SFSWAP: variants seen among roughly 807,000 people sequenced by gnomAD.
SFSWAP encodes the protein splicing factor, suppressor of white-apricot homolog.
In SFSWAP, 17 loss-of-function variants were observed where a neutral mutation model predicts 100.7. The observed-to-expected ratio is 0.17, with a 90% CI of 0.12 to 0.25. SFSWAP has a LOEUF of 0.25. Among genes scored for constraint, SFSWAP ranks in the 10% least tolerant of loss-of-function variants. The pLI, the probability that SFSWAP is intolerant of heterozygous loss-of-function variation, is 1.00. For synonymous variants in SFSWAP, 504 were observed against 510.1 expected (o/e 0.99, Z 0.16); for missense variants, 1,005 against 1,262.6 (o/e 0.80, Z 3.09).
At position 131,725,748 on chromosome 12, in the gene SFSWAP, C is replaced by T; in HGVS notation, c.832+118C>T. The T allele has an allele frequency of 1.4e-6, 1 of 739,794 alleles. No individual in the cohort carries two copies. Among genetic ancestry groups the T allele is most frequent in the Non-Finnish European group, 2.3e-6 (1 of 435,128 alleles). 45.8% of individuals were successfully genotyped at this position (739,794 alleles called of 1,614,324 possible). ...ATTCTTACAGATGCATGGTTGAAAG[C>T]CAGACTCGAATTTCTAGAATGTGTC... On this transcript the variant is annotated intron_variant, in intron 5 of 17. Coordinates refer to ENST00000261674, the MANE Select transcript of SFSWAP (RefSeq NM_004592.4). This position sits in a 1 kb window ranked among gnomAD's most constrained non-coding sequence, Gnocchi z 4.3.
chr12:131,740,426 C>T (rs746599998), intron 7 of SFSWAP, among the ~76,000 whole-genome samples: 28 of 152,294 alleles, frequency 1.8e-4, no homozygotes, highest in Middle Eastern at 3.4e-3. Context: ...TTGCTTTACC[C>T]TTAACTTTTA....
intron 14 of SFSWAP, among the ~76,000 whole-genome samples, chr12:131,781,656 C>T (rs974296143): frequency 1.3e-5 from 2 of 152,196 alleles, no homozygotes; most frequent in African/African-American, 2.4e-5. Flanking sequence ...TGGTTTCCAC[C>T]GTGATGGTAG....
intron 16 of SFSWAP, among the ~76,000 whole-genome samples, chr12:131,797,639 G>A (rs906487924): frequency 6.6e-6 from 1 of 152,234 alleles, no homozygotes; most frequent in African/African-American, 2.4e-5. Flanking sequence ...TGTCACACAC[G>A]TGCCTGATGC....
chr12:131,798,802 A>G (rs1389607511), intron 16 of SFSWAP, among the ~76,000 whole-genome samples: 1 of 152,128 alleles, frequency 6.6e-6, no homozygotes, highest in Non-Finnish European at 1.5e-5. Context: ...AGGCAGGAGA[A>G]TTGCTTGAAT....
rs778584999 is a variant in SFSWAP at position 131,711,502 on chromosome 12, G to C, written c.218+55G>C. On this transcript the variant is annotated intron_variant, in intron 1 of 17. Transcript: ENST00000261674. This position sits in a 1 kb window ranked among gnomAD's most constrained non-coding sequence, Gnocchi z 4.9. ...TCCCTTCCCTCACCCGCTTGATCTC[G>C]TCTGATGTTGACTTGACTGCAAGGA... 7.0e-6 allele frequency: 10 copies of C among 1,434,400 alleles called. No homozygotes were observed. Among genetic ancestry groups the C allele is most frequent in the Non-Finnish European group, 8.8e-6 (9 of 1,025,666 alleles). 88.9% of individuals were successfully genotyped at this position (1,434,400 alleles called of 1,614,324 possible).
rs370281522 is a variant in SFSWAP at position 131,719,593 on chromosome 12, C to G, written c.606+54C>G. On this transcript the variant is annotated intron_variant, in intron 4 of 17. Coordinates refer to ENST00000261674, the MANE Select transcript of SFSWAP (RefSeq NM_004592.4). Reference sequence around the variant, plus strand: ...CGTCATTATTATTTATCATAATTCACTCCTGCTTGTGGGAAAGCTCAATAA... The same window carrying G: ...CGTCATTATTATTTATCATAATTCAGTCCTGCTTGTGGGAAAGCTCAATAA... The G allele has an allele frequency of 6.3e-5, 86 of 1,363,144 alleles. 1 individual carries two copies. The African/African-American group carries it at 1.1e-3, about 18-fold the overall frequency. The allele number at this position is 1,363,144 out of a possible 1,614,324, so 84.4% of individuals were successfully genotyped here.
chr12:131,777,742 T>C (rs1884141823), intron 13 of SFSWAP, among the ~76,000 whole-genome samples: 1 of 152,198 alleles, frequency 6.6e-6, no homozygotes, highest in Admixed American at 6.5e-5. Flanking sequence ...ATGGGTGAAC[T>C]AAAAAGGAAC....
chr12:131,754,500 G>A lies in SFSWAP; in HGVS notation c.1454+1G>A, dbSNP rs781300534. ...GTGTTCGTGCCAAGAATGATCAAAG[G>A]TCAGAAGAAGAATTTTATATGTTAG... On this transcript the variant is annotated splice_donor_variant, in intron 9 of 17. Coordinates refer to ENST00000261674, the MANE Select transcript of SFSWAP (RefSeq NM_004592.4). LOFTEE classifies it high-confidence loss of function. The A allele has an allele frequency of 6.4e-7, 1 of 1,567,656 alleles. No individual in the cohort carries two copies. The highest frequency in any genetic ancestry group is 8.6e-7 in the Non-Finnish European group (1 of 1,158,426).
intron 14 of SFSWAP, among the ~76,000 whole-genome samples, chr12:131,781,454 G>T (rs1884499281): frequency 6.6e-6 from 1 of 151,418 alleles, no homozygotes; most frequent in African/African-American, 2.4e-5. Flanking sequence ...AGCCAGGATG[G>T]TCTCGATCTC....
intron 7 of SFSWAP, among the ~76,000 whole-genome samples, chr12:131,729,390 G>A (rs1171173696): frequency 1.3e-5 from 2 of 152,028 alleles, no homozygotes; most frequent in African/African-American, 2.4e-5. Context: ...TGTGGTCTGA[G>A]CTACTTGGGA....
intron 15 of SFSWAP, among the ~76,000 whole-genome samples, chr12:131,788,652 A>C (rs1048655433): frequency 6.8e-6 from 1 of 147,866 alleles, no homozygotes; most frequent in African/African-American, 2.5e-5. Flanking sequence ...CAGCCTCCTG[A>C]GTTGCTGGGG....
At chr12:131,732,486 C>T (rs1016686707) in intron 7 of SFSWAP, among the ~76,000 whole-genome samples, 1 of 152,214 alleles carries the variant, frequency 6.6e-6, no homozygotes, top group African/African-American at 2.4e-5. Context: ...ATTCCTGCTT[C>T]AGCCAGCACA....
intron 15 of SFSWAP, among the ~76,000 whole-genome samples, chr12:131,787,177 C>T (rs1884954402): frequency 6.6e-6 from 1 of 152,168 alleles, no homozygotes. Context: ...AAGCCCCAGC[C>T]GTGGTGCCTG....
In SFSWAP at chr12:131,785,064, G is replaced by A. The variant is rs932091554; in HGVS notation, c.2409-1399G>A. ...TTCTGAATGTGAAGTGTGTGCCTCCGTGTCACAGAGTCACAGCCTCCCCAG... is the reference window on the plus strand; with the variant it reads ...TTCTGAATGTGAAGTGTGTGCCTCCATGTCACAGAGTCACAGCCTCCCCAG... On this transcript the variant is annotated intron_variant, in intron 14 of 17. Transcript: ENST00000261674. The A allele has an allele frequency of 1.6e-5, 25 of 1,532,000 alleles. No individual in the cohort carries two copies. In the Admixed American group the frequency reaches 2.8e-4, roughly 17 times the overall value. The allele number at this position is 1,532,000 out of a possible 1,614,324, so 94.9% of individuals were successfully genotyped here. A position where few individuals can be genotyped will look rare whatever the true frequency, so the allele number is the denominator to read the frequency against.
In SFSWAP at chr12:131,714,005, ACAT is replaced by A; in HGVS notation, c.219-63_219-61del. The A allele has an allele frequency of 1.7e-6, 2 of 1,185,284 alleles. No individual in the cohort carries two copies. Among genetic ancestry groups the A allele is most frequent in the Non-Finnish European group, 2.4e-6 (2 of 817,842 alleles). 73.4% of individuals were successfully genotyped at this position (1,185,284 alleles called of 1,614,324 possible). ...GTGTATATATATATACATATATAAA[ACAT>A]CACACACGCACACCAGTCTAGACGT... is the stretch of plus-strand genomic sequence containing the variant. On this transcript the variant is annotated intron_variant, in intron 1 of 17. Transcript: ENST00000261674. This position sits in a 1 kb window ranked among gnomAD's most constrained non-coding sequence, Gnocchi z 6.0.
At chr12:131,766,331 T>G (rs1883115370) in intron 13 of SFSWAP, 23 bp downstream of exon 13, 1 of 1,604,564 alleles carries the variant, frequency 6.2e-7, no homozygotes, top group Non-Finnish European at 8.5e-7. Context: ...CCCACATTGG[T>G]ATCTGCGGGG....
At position 131,725,312 on chromosome 12, in the gene SFSWAP, TA is replaced by T; in HGVS notation, c.607-89del. ...GTCTCGTATCTCTTAAAATTGACAGTAAAACCAGAGTCATTTCTATGTTTTA... is the reference window on the plus strand; with the variant it reads ...GTCTCGTATCTCTTAAAATTGACAGTAAACCAGAGTCATTTCTATGTTTTA... On this transcript the variant is annotated intron_variant, in intron 4 of 17. Coordinates refer to ENST00000261674, the MANE Select transcript of SFSWAP (RefSeq NM_004592.4). This position sits in a 1 kb window ranked among gnomAD's most constrained non-coding sequence, Gnocchi z 4.3. 9.2e-7 allele frequency: 1 copy of T among 1,088,730 alleles called. No individual in the cohort carries two copies. The highest frequency in any genetic ancestry group is 1.4e-6 in the Non-Finnish European group (1 of 716,010). 67.4% of individuals were successfully genotyped at this position (1,088,730 alleles called of 1,614,324 possible). A position where few individuals can be genotyped will look rare whatever the true frequency, so the allele number is the denominator to read the frequency against.
chr12:131,769,566 A>AC (rs2136243335), intron 13 of SFSWAP, among the ~76,000 whole-genome samples: 1 of 152,320 alleles, frequency 6.6e-6, no homozygotes, highest in East Asian at 1.9e-4. Flanking sequence ...TTCCTTATAA[A>AC]CATAAGATAT....
At chr12:131,786,663 G>A (rs978045301) in intron 15 of SFSWAP, 75 bp downstream of exon 15, 35 of 1,475,572 alleles carry the variant, frequency 2.4e-5, no homozygotes, top group South Asian at 7.7e-5. Context: ...TCTGAAGGTC[G>A]GGTATCTGTG....
Sources: allele counts gnomAD v4.1 joint callset (sites outside exome capture counted in the v4.1 genomes callset), GRCh38; gene constraint gnomAD v4.1.1; non-coding constraint Gnocchi (gnomAD v3.1); transcripts MANE v1.5; gene names NCBI Gene and HGNC (gene_info 2026-07-23, HGNC 2026-07-21).